SLC7A5: variants seen among roughly 807,000 people sequenced by gnomAD.
SLC7A5 encodes the protein large neutral amino acids transporter small subunit 1.
SLC7A5 carries 23 observed loss-of-function variants against 50.2 expected under a neutral mutation model. The ratio of observed to expected loss-of-function variants is 0.46; its 90% CI spans 0.33 to 0.65. The LOEUF (loss-of-function observed/expected upper bound fraction) is 0.65, where lower values mean the gene tolerates loss of function less well. Ranked by LOEUF, SLC7A5 falls within the 30% of genes least tolerant of loss-of-function variation. The probability of loss-of-function intolerance (pLI) is 0.02; values close to 1 mark genes in which losing one functional copy is unlikely to be tolerated. For missense variants in SLC7A5, 578 were observed against 684.4 expected (o/e 0.84, Z 1.73); for synonymous variants, 393 against 330.6 (o/e 1.19, Z -2.05).
intron 8 of SLC7A5, among the ~76,000 whole-genome samples, chr16:87,835,330 C>T (rs988410595): frequency 2.0e-5 from 3 of 152,222 alleles, no homozygotes; most frequent in Non-Finnish European, 4.4e-5. Flanking sequence ...GGGGGCTGAG[C>T]CCCCGCTGTG....
At position 87,836,531 on chromosome 16, in the gene SLC7A5, G is replaced by C. The variant is rs577770658; in HGVS notation, c.1257C>G (p.Arg419=). ...GCCGCTCAAGCTCAGGCTTTCTGTG[G>C]CGCAGCCAGATCATGCCGATGATGG... is the stretch of plus-strand genomic sequence containing the variant. ...ALAIIGMIWL[R]HRKPELERPI... is the part of the protein sequence containing the mutation. Residue 419 remains arginine, a synonymous_variant, in exon 8 of 10, where the codon CGC becomes CGG. Coordinates refer to ENST00000261622, the MANE Select transcript of SLC7A5 (RefSeq NM_003486.7). 4 of 1,613,018 alleles carry C rather than the reference G, an allele frequency of 2.5e-6. No individual in the cohort carries two copies. Among genetic ancestry groups the C allele is most frequent in the Non-Finnish European group, 3.4e-6 (4 of 1,180,010 alleles).
Position 87,853,907 on chromosome 16 carries a change from CACGTCTGCGGCT to C in SLC7A5, c.539-2070_539-2059del, listed in dbSNP as rs1467830144. On this transcript the variant is annotated intron_variant, in intron 1 of 9. Coordinates refer to ENST00000261622, the MANE Select transcript of SLC7A5 (RefSeq NM_003486.7). This position sits in a 1 kb window ranked among gnomAD's most constrained non-coding sequence, Gnocchi z 4.4. ...CACTGAGCACTGCCCTCGCGGCTGT[CACGTCTGCGGCT>C]GTCACGTCTGCTAGGGGGTTGGGGG... 1.8e-5 allele frequency: 2 copies of C among 108,260 alleles called. No homozygotes were observed. The highest frequency in any genetic ancestry group is 3.1e-5 in the African/African-American group (1 of 32,030). 6.7% of individuals were successfully genotyped at this position (108,260 alleles called of 1,614,324 possible). A position where few individuals can be genotyped will look rare whatever the true frequency, so the allele number is the denominator to read the frequency against.
intron 8 of SLC7A5, among the ~76,000 whole-genome samples, chr16:87,835,699 C>G (rs1368811990): frequency 6.6e-6 from 1 of 152,144 alleles, no homozygotes; most frequent in Non-Finnish European, 1.5e-5. Flanking sequence ...TGGTCTCTAT[C>G]TCCTGACTTT....
Position 87,835,850 on chromosome 16 carries a change from G to T in SLC7A5, c.1290+648C>A, listed in dbSNP as rs886717577. ...GGAACACAGAGGGAGAGATGGTCCG[G>T]GCAGGGAAGCAGGGGCTACTGTGAC... On this transcript the variant is annotated intron_variant, in intron 8 of 9. Coordinates refer to ENST00000261622, the MANE Select transcript of SLC7A5 (RefSeq NM_003486.7). 3.9e-5 allele frequency among the ~76,000 whole-genome samples: 6 copies of T among 152,236 alleles called. No homozygotes were observed. In the East Asian group the frequency reaches 1.2e-3, roughly 29 times the overall value.
At chr16:87,851,945 C>T (rs955915237) in intron 1 of SLC7A5, 96 bp from the exon 2 acceptor site, 22 of 1,465,574 alleles carry the variant, frequency 1.5e-5, no homozygotes, top group Non-Finnish European at 2.1e-5. Context: ...ACCCCAGGGC[C>T]AGGTCCACCA....
rs1413865459 is a variant in SLC7A5, at chr16:87,834,649, G to T, written c.1291-58C>A. The T allele has an allele frequency of 5.2e-6, 8 of 1,542,584 alleles. No individual in the cohort carries two copies. The Admixed American group carries it at 1.2e-4, about 23-fold the overall frequency. On this transcript the variant is annotated intron_variant, in intron 8 of 9. Transcript: ENST00000261622. Reference sequence around the variant, plus strand: ...CTCCTGTCCAGCCTCCCTCCCCCATGCCCCGAGGTTCCTCAGCCCTCCTGG... The same window carrying T: ...CTCCTGTCCAGCCTCCCTCCCCCATTCCCCGAGGTTCCTCAGCCCTCCTGG...
At chr16:87,848,485 C>A (rs1411747359) in intron 2 of SLC7A5, among the ~76,000 whole-genome samples, 1 of 152,234 alleles carries the variant, frequency 6.6e-6, no homozygotes, top group Non-Finnish European at 1.5e-5. Context: ...CTCATGAGTA[C>A]TGTCTCCCTT....
chr16:87,842,793 C>A (rs141038096), intron 2 of SLC7A5, among the ~76,000 whole-genome samples: 1 of 152,188 alleles, frequency 6.6e-6, no homozygotes, highest in African/African-American at 2.4e-5. Flanking sequence ...GGTCAGCAGG[C>A]GGAGCTTGAC....
rs774535808 is a variant in SLC7A5, at chr16:87,868,964, G to A, written c.459C>T (p.Ala153=). ...SSQYIVALVF[A]TYLLKPLFPT... is the part of the protein sequence containing the mutation. The stretch of plus-strand genomic sequence containing the variant: ...GGAAGAGCGGCTTGAGCAGGTAGGT[G>A]GCGAAGACCAGGGCCACGATGTACT... Residue 153 remains alanine (A), a synonymous_variant, in exon 1 of 10, where the codon GCC becomes GCT. Transcript: ENST00000261622. 3.5e-5 allele frequency: 56 copies of A among 1,610,508 alleles called. No homozygotes were observed. In the Middle Eastern group the frequency reaches 6.7e-4, roughly 19 times the overall value.
At position 87,840,575 on chromosome 16, in the gene SLC7A5, G is replaced by A. The variant is rs1050007841; in HGVS notation, c.771-102C>T. ...GGGCAGCTGGTGAGCCTGCCCCCCGGTGGTCTGCTCGCTGGGCTGGAAAGC... is the reference window on the plus strand; with the variant it reads ...GGGCAGCTGGTGAGCCTGCCCCCCGATGGTCTGCTCGCTGGGCTGGAAAGC... On this transcript the variant is annotated intron_variant, in intron 3 of 9. Coordinates refer to ENST00000261622, the MANE Select transcript of SLC7A5 (RefSeq NM_003486.7). 4.9e-6 allele frequency: 5 copies of A among 1,022,858 alleles called. No homozygotes were observed. The African/African-American group carries it at 6.3e-5, about 13-fold the overall frequency. The allele number at this position is 1,022,858 out of a possible 1,614,324, so 63.4% of individuals were successfully genotyped here. A position where few individuals can be genotyped will look rare whatever the true frequency, so the allele number is the denominator to read the frequency against.
At chr16:87,834,783 G>A (rs912700635) in intron 8 of SLC7A5, 192 bp from the exon 9 acceptor site, 8 of 642,392 alleles carry the variant, frequency 1.2e-5, no homozygotes, top group Non-Finnish European at 2.2e-5. Flanking sequence ...ACAGTGCTGG[G>A]CATGTTGCCA....
rs2055371294 is a variant in SLC7A5 at position 87,860,114 on chromosome 16, C to T, written c.539-8265G>A. Among the ~76,000 whole-genome samples the T allele has an allele frequency of 1.3e-5, 2 of 152,016 alleles. No homozygotes were observed. The highest frequency in any genetic ancestry group is 4.8e-5 in the African/African-American group (2 of 41,376). ...TTGGGAAGCCAAGGTGGGCGGATCA[C>T]CTGAGATCAAGAGTTCGAAACCAGC... On this transcript the variant is annotated intron_variant, in intron 1 of 9. Transcript: ENST00000261622. The surrounding 1 kb of genome is among the most constrained non-coding windows in gnomAD (Gnocchi z 4.8).
At chr16:87,850,505 C>T (rs1322536347) in intron 2 of SLC7A5, among the ~76,000 whole-genome samples, 1 of 152,204 alleles carries the variant, frequency 6.6e-6, no homozygotes, top group African/African-American at 2.4e-5. Context: ...GTCACCAGAG[C>T]GTGCATCCGC....
chr16:87,836,658 G>A lies in SLC7A5; in HGVS notation c.1141-11C>T, dbSNP rs548533630. 89 of 1,610,738 alleles carry A rather than the reference G, an allele frequency of 5.5e-5. 1 individual carries two copies. In the African/African-American group the frequency reaches 9.3e-4, roughly 17 times the overall value. The stretch of plus-strand genomic sequence containing the variant: ...CAGCGTCATCACACACTGGAAGAGA[G>A]AGGCGGCTGGCTGAGCCCTGGGGCC... On this transcript the variant is annotated splice_polypyrimidine_tract_variant and intron_variant, in intron 7 of 9. Transcript: ENST00000261622.
intron 1 of SLC7A5, among the ~76,000 whole-genome samples, chr16:87,866,727 A>T (rs955013136): frequency 6.6e-6 from 1 of 151,976 alleles, no homozygotes; most frequent in African/African-American, 2.4e-5. Flanking sequence ...TCGGCCTCCC[A>T]AGTGCTGGGA....
chr16:87,845,188 C>G (rs1030926983), intron 2 of SLC7A5, among the ~76,000 whole-genome samples: 9 of 127,672 alleles, frequency 7.0e-5, no homozygotes, highest in Admixed American at 1.5e-4. Context: ...CCAGGGGAGA[C>G]CTCCCGGCTT....
rs1156368686 is a variant in SLC7A5, at chr16:87,868,976, G to A, written c.447C>T (p.Ala149=). Residue 149 remains alanine, a synonymous_variant, in exon 1 of 10, where the codon GCC becomes GCT. Transcript: ENST00000261622. ...IIRPSSQYIV[A]LVFATYLLKP... The stretch of plus-strand genomic sequence containing the variant: ...TGAGCAGGTAGGTGGCGAAGACCAG[G>A]GCCACGATGTACTGCGATGAAGGCC... 13 of 1,611,178 alleles carry A rather than the reference G, an allele frequency of 8.1e-6. No individual in the cohort carries two copies. The highest frequency in any genetic ancestry group is 1.1e-5 in the Non-Finnish European group (13 of 1,179,678).
rs1212819232 is a variant in SLC7A5, at chr16:87,862,606, G to C, written c.538+6279C>G. 1.3e-5 allele frequency among the ~76,000 whole-genome samples: 2 copies of C among 152,222 alleles called. No individual in the cohort carries two copies. The highest frequency in any genetic ancestry group is 4.8e-5 in the African/African-American group (2 of 41,462). ...CCTTCCTTCTTTTGCCAGAGGAGAA[G>C]ACAGTGAGGCTGAGGGCTGCTCCAT... On this transcript the variant is annotated intron_variant, in intron 1 of 9. Coordinates refer to ENST00000261622, the MANE Select transcript of SLC7A5 (RefSeq NM_003486.7). The surrounding 1 kb of genome is among the most constrained non-coding windows in gnomAD (Gnocchi z 5.3).
chr16:87,834,284 G>T, intron 9 of SLC7A5, 130 bp downstream of exon 9: 2 of 847,382 alleles, frequency 2.4e-6, no homozygotes, highest in Non-Finnish European at 3.9e-6. Flanking sequence ...GGCGGACACT[G>T]CAGTGACCTG....
Sources: gnomAD v4.1 joint callset for allele counts (sites outside exome capture counted in the v4.1 genomes callset) on GRCh38, gnomAD v4.1.1 for gene constraint, Gnocchi (gnomAD v3.1) non-coding constraint, MANE v1.5 for transcripts, NCBI Gene and HGNC (gene_info 2026-07-23, HGNC 2026-07-21) for gene names.